CARMIL1: variants seen among roughly 807,000 people sequenced by gnomAD.
The protein encoded by CARMIL1 is capping protein regulator and myosin 1 linker 1.
Under a neutral mutation model 177.1 loss-of-function variants are expected in CARMIL1, and 90 were observed. The ratio of observed to expected loss-of-function variants is 0.51; its 90% CI spans 0.43 to 0.61. The LOEUF (loss-of-function observed/expected upper bound fraction) is 0.61, where lower values mean the gene tolerates loss of function less well. CARMIL1 is among the 20% of genes least tolerant of loss of function. CARMIL1 has a pLI of 0.00. For missense variants in CARMIL1, 1,380 were observed against 1,667.0 expected (o/e 0.83, Z 3.00); for synonymous variants, 577 against 606.2 (o/e 0.95, Z 0.71).
intron 2 of CARMIL1, among the ~76,000 whole-genome samples, chr6:25,337,588 G>A (rs983805854): frequency 1.3e-5 from 2 of 152,174 alleles, no homozygotes; most frequent in Non-Finnish European, 2.9e-5. Context: ...CTTCTGAACT[G>A]TATGGTGGTG....
rs149082208 is a variant in CARMIL1, at chr6:25,510,595, T to C, written c.1566T>C (p.Asn522=). The C allele has an allele frequency of 9.8e-5, 151 of 1,547,854 alleles. No individual in the cohort carries two copies. The highest frequency in any genetic ancestry group is 1.3e-4 in the Non-Finnish European group (148 of 1,143,826). Residue 522 remains asparagine (N), a synonymous_variant, in exon 19 of 37, where the codon AAT becomes AAC. Coordinates refer to ENST00000329474, the MANE Select transcript of CARMIL1 (RefSeq NM_017640.6). ...QHLALGKNFN[N]MKSKNLTPVL... ...TGGCGTTAGGCAAAAATTTTAATAA[T>C]ATGAAATCCAAGTAAGAGTTTTGAA...
At chr6:25,591,317 G>A (rs1814280077) in intron 31 of CARMIL1, among the ~76,000 whole-genome samples, 1 of 152,222 alleles carries the variant, frequency 6.6e-6, no homozygotes, top group African/African-American at 2.4e-5. Context: ...GCATTCACGA[G>A]TTATCCTTTT....
At chr6:25,472,636 A>G (rs1313863279) in intron 11 of CARMIL1, 115 bp downstream of exon 11, 9 of 789,502 alleles carry the variant, frequency 1.1e-5, no homozygotes, top group African/African-American at 3.5e-5. Context: ...AAGTGCTGTT[A>G]ATGGTCCTGT....
intron 2 of CARMIL1, among the ~76,000 whole-genome samples, chr6:25,297,402 G>A (rs1782494924): frequency 6.6e-6 from 1 of 152,132 alleles, no homozygotes; most frequent in African/African-American, 2.4e-5. Context: ...CTTTTCAACA[G>A]TTTGCCTTTC....
At chr6:25,441,320 CATAT>C (rs199573016) in intron 5 of CARMIL1, among the ~76,000 whole-genome samples, 8,043 of 99,630 alleles carry the variant, frequency 0.081, 498 homozygotes, top group South Asian at 0.14. Context: ...AACAAACAAA[CATAT>C]ATATATATAT....
intron 2 of CARMIL1, among the ~76,000 whole-genome samples, chr6:25,310,435 C>G (rs1222587006): frequency 6.6e-6 from 1 of 152,160 alleles, no homozygotes; most frequent in East Asian, 1.9e-4. Flanking sequence ...GAATCATGGC[C>G]AGCATTTTTT....
At chr6:25,495,553 G>GTGTGTA (rs879857708) in intron 16 of CARMIL1, among the ~76,000 whole-genome samples, 10 of 151,348 alleles carry the variant, frequency 6.6e-5, no homozygotes, top group South Asian at 2.1e-4. Context: ...GTGTGTGTGT[G>GTGTGTA]TGTGTGTGTG....
At chr6:25,584,482 C>G (rs1813456366) in intron 31 of CARMIL1, among the ~76,000 whole-genome samples, 1 of 150,082 alleles carries the variant, frequency 6.7e-6, no homozygotes, top group Non-Finnish European at 1.5e-5. Context: ...GCACCAGTAA[C>G]AAAAGACAGG....
intron 15 of CARMIL1, among the ~76,000 whole-genome samples, chr6:25,494,525 G>C (rs1803512762): frequency 6.6e-6 from 1 of 152,138 alleles, no homozygotes; most frequent in Admixed American, 6.5e-5. Flanking sequence ...AGAGGTTATA[G>C]CCATTTTATT....
chr6:25,395,794 G>A (rs1047123073), intron 2 of CARMIL1, among the ~76,000 whole-genome samples: 6 of 152,162 alleles, frequency 3.9e-5, no homozygotes, highest in Middle Eastern at 3.2e-3. Flanking sequence ...AGAAAATTGC[G>A]TTTGTCTTCC....
intron 28 of CARMIL1, among the ~76,000 whole-genome samples, chr6:25,555,132 A>G (rs12192331): frequency 0.16 from 24,315 of 152,140 alleles, 2,045 homozygotes; most frequent in Middle Eastern, 0.21. Context: ...ATGAAAAAAT[A>G]TAGTTTTTCA....
chr6:25,310,561 G>A (rs1287658560), intron 2 of CARMIL1, among the ~76,000 whole-genome samples: 1 of 152,184 alleles, frequency 6.6e-6, no homozygotes, highest in Non-Finnish European at 1.5e-5. Context: ...AGCAAATTGT[G>A]ACGTAAGAAG....
chr6:25,607,675 CA>C, intron 35 of CARMIL1, among the ~76,000 whole-genome samples: 1 of 152,102 alleles, frequency 6.6e-6, no homozygotes, highest in African/African-American at 2.4e-5. Flanking sequence ...GTAGAATGAG[CA>C]AAAAGGTAGA....
intron 36 of CARMIL1, among the ~76,000 whole-genome samples, chr6:25,611,921 A>T (rs1038090467): frequency 1.3e-5 from 2 of 152,210 alleles, no homozygotes; most frequent in Non-Finnish European, 2.9e-5. Flanking sequence ...CCTGGAAGTT[A>T]GAAATAGAAT....
chr6:25,398,134 A>G (rs930018779), intron 2 of CARMIL1, among the ~76,000 whole-genome samples: 1 of 152,204 alleles, frequency 6.6e-6, no homozygotes, highest in Non-Finnish European at 1.5e-5. Flanking sequence ...GTAAAGAACT[A>G]TTTAAAAATT....
intron 34 of CARMIL1, among the ~76,000 whole-genome samples, chr6:25,605,568 A>T (rs1271035446): frequency 1.3e-5 from 2 of 152,082 alleles, no homozygotes; most frequent in Non-Finnish European, 2.9e-5. Context: ...GGGGGATGAG[A>T]TGACATTTCT....
chr6:25,497,259 T>C (rs1412580928), intron 16 of CARMIL1, among the ~76,000 whole-genome samples: 1 of 152,174 alleles, frequency 6.6e-6, no homozygotes, highest in Non-Finnish European at 1.5e-5. Context: ...AACTAGACAC[T>C]GCGCTGGGTG....
chr6:25,344,348 A>G (rs1448341649), intron 2 of CARMIL1, among the ~76,000 whole-genome samples: 1 of 152,082 alleles, frequency 6.6e-6, no homozygotes, highest in Non-Finnish European at 1.5e-5. Context: ...GGAGTCCACG[A>G]TCAACCACTG....
In CARMIL1 at chr6:25,515,903, A is replaced by G; in HGVS notation, c.1805+56A>G. 6.6e-7 allele frequency: 1 copy of G among 1,515,614 alleles called. No homozygotes were observed. Among genetic ancestry groups the G allele is most frequent in the Non-Finnish European group, 8.9e-7 (1 of 1,125,116 alleles). The allele number at this position is 1,515,614 out of a possible 1,614,324, so 93.9% of individuals were successfully genotyped here. ...GGAAGGCTTGGAGCAGATTCCGAACAGCAAGCATTGCAGAGCTGCTGGGCC... is the reference window on the plus strand; with the variant it reads ...GGAAGGCTTGGAGCAGATTCCGAACGGCAAGCATTGCAGAGCTGCTGGGCC... On this transcript the variant is annotated intron_variant, in intron 21 of 36. Transcript: ENST00000329474. The surrounding 1 kb of genome is among the most constrained non-coding windows in gnomAD (Gnocchi z 5.0).
Sources: gnomAD v4.1 joint callset for allele counts (sites outside exome capture counted in the v4.1 genomes callset) on GRCh38, gnomAD v4.1.1 for gene constraint, Gnocchi (gnomAD v3.1) non-coding constraint, MANE v1.5 for transcripts, NCBI Gene and HGNC (gene_info 2026-07-23, HGNC 2026-07-21) for gene names.